The following DYNC2H1 variants were observed in gnomAD, a reference collection of about 807,000 sequenced individuals.
The protein encoded by DYNC2H1 is dynein cytoplasmic 2 heavy chain 1, also known as cytoplasmic dynein 2 heavy chain 1.
Under a neutral mutation model 570.0 loss-of-function variants are expected in DYNC2H1, and 410 were observed. The observed-to-expected ratio is 0.72, with a 90% confidence interval of 0.66 to 0.78. DYNC2H1 has a LOEUF of 0.78. DYNC2H1 is among the 30% of genes least tolerant of loss of function. DYNC2H1 has a pLI of 0.00. For synonymous variants in DYNC2H1, 1,688 were observed against 1,677.6 expected, an observed-to-expected ratio of 1.01 and a Z score of -0.15; for missense variants, 4,865 against 5,046.4, an observed-to-expected ratio of 0.96 and a Z score of 1.09.
intron 62 of DYNC2H1, 53 bp from the exon 63 acceptor site, chr11:103,236,377 T>C: frequency 2.8e-6 from 3 of 1,075,410 alleles, no homozygotes; most frequent in South Asian, 1.3e-5. Context: ...TTTCCTTCCC[T>C]TCATCAAGTA....
intron 83 of DYNC2H1, among the ~76,000 whole-genome samples, chr11:103,381,381 G>T (rs190391582): frequency 8.6e-4 from 131 of 152,198 alleles, no homozygotes; most frequent in Middle Eastern, 3.4e-3. Flanking sequence ...ATAAAAGCCT[G>T]GCATAACAAG....
At chr11:103,246,677 T>A (rs529243866) in intron 65 of DYNC2H1, among the ~76,000 whole-genome samples, 1 of 152,078 alleles carries the variant, frequency 6.6e-6, no homozygotes, top group Non-Finnish European at 1.5e-5. Context: ...ATCCCCTTTG[T>A]GTATATTCCA....
chr11:103,156,351 G>T, intron 25 of DYNC2H1, 37 bp from the exon 26 acceptor site: 1 of 1,551,856 alleles, frequency 6.4e-7, no homozygotes, highest in Non-Finnish European at 8.7e-7. Context: ...GAAAATTAAT[G>T]TTGAAGTAAT....
chr11:103,313,935 TC>T (rs1450138962), intron 79 of DYNC2H1, among the ~76,000 whole-genome samples: 2 of 152,170 alleles, frequency 1.3e-5, no homozygotes, highest in Non-Finnish European at 2.9e-5. Flanking sequence ...AGGCACATCT[TC>T]CTGTAAATCT....
intron 36 of DYNC2H1, 128 bp from the exon 37 acceptor site, chr11:103,176,107 T>A: frequency 1.6e-6 from 1 of 642,598 alleles, no homozygotes; most frequent in Non-Finnish European, 2.4e-6. Flanking sequence ...TGATGTAATG[T>A]CTTTAAATGT....
At chr11:103,109,840 C>A in intron 1 of DYNC2H1, 71 bp downstream of exon 1, 1 of 1,470,002 alleles carries the variant, frequency 6.8e-7, no homozygotes, top group South Asian at 1.3e-5. Flanking sequence ...AGAGGGACGT[C>A]GGGTCACACT....
intron 84 of DYNC2H1, 110 bp from the exon 85 acceptor site, chr11:103,435,833 T>TA: frequency 3.6e-6 from 3 of 826,712 alleles, no homozygotes; most frequent in Non-Finnish European, 6.0e-6. Flanking sequence ...ATGAATTTCA[T>TA]ATGTATATGT....
At chr11:103,233,994 A>T in intron 60 of DYNC2H1, 40 bp from the exon 61 acceptor site, 1 of 1,536,820 alleles carries the variant, frequency 6.5e-7, no homozygotes, top group Non-Finnish European at 8.8e-7. Context: ...ATCTCTCCCA[A>T]ATCCTTTTTG....
At chr11:103,475,893 C>A (rs1001677104) in intron 88 of DYNC2H1, among the ~76,000 whole-genome samples, 1 of 152,146 alleles carries the variant, frequency 6.6e-6, no homozygotes, top group Non-Finnish European at 1.5e-5. Context: ...GGAATAACAT[C>A]GTAAAACATT....
rs1487098589 is a variant in DYNC2H1, at chr11:103,465,561, G to T, written c.12649-3028G>T. ...CAATTTATTATTTTCTCACAATTCT[G>T]TGGGTTGCCTAGTAGATCCTTTGCT... On this transcript the variant is annotated intron_variant, in intron 87 of 88. Coordinates refer to ENST00000375735, the MANE Select transcript of DYNC2H1 (RefSeq NM_001377.3). This position sits in a 1 kb window ranked among gnomAD's most constrained non-coding sequence, Gnocchi z 4.9. 6.6e-6 allele frequency among the ~76,000 whole-genome samples: 1 copy of T among 151,848 alleles called. No individual in the cohort carries two copies. Among genetic ancestry groups the T allele is most frequent in the Non-Finnish European group, 1.5e-5 (1 of 67,976 alleles).
intron 50 of DYNC2H1, among the ~76,000 whole-genome samples, chr11:103,200,654 A>G (rs1862683296): frequency 6.6e-6 from 1 of 152,196 alleles, no homozygotes; most frequent in African/African-American, 2.4e-5. Context: ...GTATGGATAT[A>G]TGAATATACA....
At chr11:103,262,520 A>G (rs1865339969) in intron 70 of DYNC2H1, among the ~76,000 whole-genome samples, 2 of 152,218 alleles carry the variant, frequency 1.3e-5, no homozygotes, top group Non-Finnish European at 2.9e-5. Context: ...AAACCCTACA[A>G]GCCAGAAGAG....
In DYNC2H1 at chr11:103,344,289, A is replaced by C. The variant is rs534492794; in HGVS notation, c.12040-13954A>C. 2.0e-5 allele frequency among the ~76,000 whole-genome samples: 3 copies of C among 152,338 alleles called. No homozygotes were observed. In the South Asian group the frequency reaches 6.2e-4, roughly 32 times the overall value. ...TATCCATGAAACAAAATATTCTAAT[A>C]ATAGGATAGACATTTTCGTATTGTA... is the stretch of plus-strand genomic sequence containing the variant. On this transcript the variant is annotated intron_variant, in intron 82 of 88. Coordinates refer to ENST00000375735, the MANE Select transcript of DYNC2H1 (RefSeq NM_001377.3).
intron 83 of DYNC2H1, among the ~76,000 whole-genome samples, chr11:103,380,020 T>A (rs1053590742): frequency 2.6e-5 from 4 of 152,230 alleles, no homozygotes; most frequent in African/African-American, 7.2e-5. Flanking sequence ...TAAGACCAAA[T>A]TTTAGTTTTA....
rs1384667606 is a variant in DYNC2H1 at position 103,275,665 on chromosome 11, G to T, written c.10696-4683G>T. On this transcript the variant is annotated intron_variant, in intron 70 of 88. Coordinates refer to ENST00000375735, the MANE Select transcript of DYNC2H1 (RefSeq NM_001377.3). This position sits in a 1 kb window ranked among gnomAD's most constrained non-coding sequence, Gnocchi z 4.8. ...TTTCACTTACTATTGTACGTTTAAGGTTCTTTCATGTTTTTTTCATGGTGT... is the reference window on the plus strand; with the variant it reads ...TTTCACTTACTATTGTACGTTTAAGTTTCTTTCATGTTTTTTTCATGGTGT... 6.6e-6 allele frequency among the ~76,000 whole-genome samples: 1 copy of T among 151,904 alleles called. No homozygotes were observed. Among genetic ancestry groups the T allele is most frequent in the Admixed American group, 6.6e-5 (1 of 15,244 alleles).
intron 80 of DYNC2H1, among the ~76,000 whole-genome samples, chr11:103,318,735 T>TC (rs138847682): frequency 0.17 from 25,281 of 152,094 alleles, 2,287 homozygotes; most frequent in Admixed American, 0.26. Context: ...TTAAAAGATT[T>TC]TTTAAAATTC....
At position 103,309,168 on chromosome 11, in the gene DYNC2H1, A is replaced by ATTTTTTTTTTTTTTTT. The variant is rs386374721; in HGVS notation, c.11493+1346_11493+1361dup. 1.4e-3 allele frequency among the ~76,000 whole-genome samples: 78 copies of ATTTTTTTTTTTTTTTT among 54,644 alleles called. 14 individuals are homozygous for ATTTTTTTTTTTTTTTT. Among genetic ancestry groups the ATTTTTTTTTTTTTTTT allele is most frequent in the African/African-American group, 4.8e-3 (74 of 15,546 alleles). 35.8% of individuals were successfully genotyped at this position (54,644 alleles called of 152,430 possible). A position where few individuals can be genotyped will look rare whatever the true frequency, so the allele number is the denominator to read the frequency against. Reference sequence around the variant, plus strand: ...TTATTAGTGTTTGTAACTGCATGCTATTTTTTTTTTTTTTTTTTTTTTTTG... The same window carrying ATTTTTTTTTTTTTTTT: ...TTATTAGTGTTTGTAACTGCATGCTATTTTTTTTTTTTTTTTTTTTTTTTTTTTTTTTTTTTTTTTG... On this transcript the variant is annotated intron_variant, in intron 78 of 88. Transcript: ENST00000375735.
intron 85 of DYNC2H1, among the ~76,000 whole-genome samples, chr11:103,437,264 A>G (rs1038216789): frequency 2.0e-5 from 3 of 152,248 alleles, no homozygotes; most frequent in African/African-American, 7.2e-5. Flanking sequence ...TTGTTCTAAT[A>G]TAAAAGTTGA....
chr11:103,175,561 A>G (rs185390311), intron 36 of DYNC2H1, among the ~76,000 whole-genome samples: 297 of 152,306 alleles, frequency 2.0e-3, no homozygotes, highest in South Asian at 0.011. Context: ...CTTTGACTTT[A>G]TGTATCTTAC....
Sources: allele counts gnomAD v4.1 joint callset (sites outside exome capture counted in the v4.1 genomes callset), GRCh38; gene constraint gnomAD v4.1.1; non-coding constraint Gnocchi (gnomAD v3.1); transcripts MANE v1.5; gene names NCBI Gene and HGNC (gene_info 2026-07-23, HGNC 2026-07-21).